NDE1: variants seen among roughly 807,000 people sequenced by gnomAD.
NDE1 encodes nuclear distribution protein nudE homolog 1.
NDE1 carries 28 observed loss-of-function variants against 43.4 expected under a neutral mutation model. The ratio of observed to expected loss-of-function variants is 0.65; its 90% CI spans 0.48 to 0.89. The LOEUF is 0.89. Ranked by LOEUF, NDE1 falls within the 40% of genes least tolerant of loss-of-function variation. The pLI, the probability that NDE1 is intolerant of heterozygous loss-of-function variation, is 0.00. For missense variants in NDE1, 441 were observed against 434.1 expected (o/e 1.02, Z -0.14); for synonymous variants, 184 against 172.0 (o/e 1.07, Z -0.55).
chr16:15,659,007 C>A (rs775341241), intron 1 of NDE1, among the ~76,000 whole-genome samples: 4 of 152,168 alleles, frequency 2.6e-5, no homozygotes, highest in Admixed American at 6.6e-5. Flanking sequence ...TTCAGAGAAT[C>A]TGCTTTCCAG....
At chr16:15,710,086 G>A (rs143202815) in intron 8 of NDE1, among the ~76,000 whole-genome samples, 2 of 152,312 alleles carry the variant, frequency 1.3e-5, no homozygotes, top group Non-Finnish European at 2.9e-5. Context: ...CAGAAGGCAG[G>A]ACAGACCTTC....
chr16:15,721,741 A>G, intron 8 of NDE1: 1 of 1,156,146 alleles, frequency 8.6e-7, no homozygotes, highest in South Asian at 1.2e-5. Flanking sequence ...ATTGAGGTGC[A>G]GGTGTAAGCA....
At chr16:15,661,521 A>G (rs2037044668) in intron 1 of NDE1, among the ~76,000 whole-genome samples, 1 of 150,440 alleles carries the variant, frequency 6.6e-6, no homozygotes, top group African/African-American at 2.4e-5. Flanking sequence ...GTACAGTGGC[A>G]TGGTCATGGG....
intron 4 of NDE1, among the ~76,000 whole-genome samples, chr16:15,681,498 C>G (rs562380308): frequency 9.9e-5 from 15 of 151,718 alleles, no homozygotes; most frequent in Non-Finnish European, 1.3e-4. Flanking sequence ...GTCCTGGACT[C>G]GGTCTGTCCA....
At chr16:15,689,164 A>G (rs1274643965) in intron 5 of NDE1, among the ~76,000 whole-genome samples, 5 of 152,202 alleles carry the variant, frequency 3.3e-5, no homozygotes, top group Admixed American at 3.3e-4. Flanking sequence ...GTTAATGGTT[A>G]AAATGAACAG....
chr16:15,658,485 A>G (rs2036883080), intron 1 of NDE1, among the ~76,000 whole-genome samples: 2 of 152,292 alleles, frequency 1.3e-5, no homozygotes, highest in South Asian at 4.1e-4. Context: ...GAATAGGCAT[A>G]TGCCTCTTCC....
intron 8 of NDE1, among the ~76,000 whole-genome samples, chr16:15,705,051 C>G (rs2039374658): frequency 6.6e-6 from 1 of 152,210 alleles, no homozygotes; most frequent in Non-Finnish European, 1.5e-5. Flanking sequence ...ATGATCTTGG[C>G]TCACTGCAAC....
chr16:15,698,464 C>T (rs1297062732), intron 8 of NDE1, among the ~76,000 whole-genome samples: 3 of 152,152 alleles, frequency 2.0e-5, no homozygotes, highest in African/African-American at 7.2e-5. Context: ...TCTCTCTGGG[C>T]CCCAAGCCGT....
At chr16:15,680,846 A>G (rs1476172929) in intron 4 of NDE1, among the ~76,000 whole-genome samples, 1 of 151,830 alleles carries the variant, frequency 6.6e-6, no homozygotes, top group Non-Finnish European at 1.5e-5. Flanking sequence ...CCCTTTGTAT[A>G]TTTTTACTAC....
Position 15,650,779 on chromosome 16 carries a change from A to T in NDE1, c.-44+485A>T, listed in dbSNP as rs898341758. On this transcript the variant is annotated intron_variant, in intron 1 of 8. Transcript: ENST00000396354. ...CTCTCTCCTATTCCTCCATCCTGCC[A>T]CCCGCTTCTCTGCGACCCCAGACCC... Among the ~76,000 whole-genome samples the T allele has an allele frequency of 1.2e-4, 18 of 149,438 alleles. No individual in the cohort carries two copies. In the East Asian group the frequency reaches 1.6e-3, roughly 13 times the overall value.
chr16:15,696,365 C>T (rs1349591132), intron 7 of NDE1, among the ~76,000 whole-genome samples: 1 of 143,830 alleles, frequency 7.0e-6, no homozygotes, highest in African/African-American at 2.5e-5. Flanking sequence ...GACACAGCGT[C>T]TAAAAAAGTA....
chr16:15,708,932 T>C, intron 8 of NDE1: 1 of 1,309,774 alleles, frequency 7.6e-7, no homozygotes, highest in Non-Finnish European at 1.1e-6. Flanking sequence ...GACATTTGCT[T>C]CGATTTAATA....
intron 3 of NDE1, among the ~76,000 whole-genome samples, chr16:15,674,075 G>C (rs1182300435): frequency 6.6e-6 from 1 of 152,138 alleles, no homozygotes; most frequent in Admixed American, 6.5e-5. Context: ...CTGGAGGCCA[G>C]CACAGAATAA....
intron 8 of NDE1, chr16:15,720,800 A>C: frequency 2.5e-6 from 4 of 1,605,566 alleles, no homozygotes; most frequent in Non-Finnish European, 3.4e-6. Flanking sequence ...GAAAAAGGCC[A>C]CCCGACCTCC....
intron 8 of NDE1, chr16:15,718,810 C>T (rs896340828): frequency 1.2e-4 from 50 of 408,134 alleles, no homozygotes; most frequent in Non-Finnish European, 2.0e-4. Flanking sequence ...TCTCAGAGGA[C>T]GCTTCGTCAG....
chr16:15,726,174 T>C lies in NDE1; in HGVS notation c.*1923T>C, dbSNP rs953500372. Reference sequence around the variant, plus strand: ...CATCATGTGCCTTCCCTTTGCTGCATCATTTGACATTCATTTGTGTGATTA... The same window carrying C: ...CATCATGTGCCTTCCCTTTGCTGCACCATTTGACATTCATTTGTGTGATTA... On this transcript the variant is annotated 3_prime_UTR_variant, in exon 9 of 9. Transcript: ENST00000396354. 6.4e-6 allele frequency: 1 copy of C among 155,706 alleles called. No homozygotes were observed. The highest frequency in any genetic ancestry group is 2.4e-5 in the African/African-American group (1 of 41,534). 9.6% of individuals were successfully genotyped at this position (155,706 alleles called of 1,614,324 possible). A position where few individuals can be genotyped will look rare whatever the true frequency, so the allele number is the denominator to read the frequency against.
In NDE1 at chr16:15,719,600, G is replaced by T. The variant is rs139565043; in HGVS notation, c.948-4591G>T. 6.2e-6 allele frequency: 10 copies of T among 1,614,208 alleles called. No individual in the cohort carries two copies. In the East Asian group the frequency reaches 2.2e-4, roughly 36 times the overall value. The stretch of plus-strand genomic sequence containing the variant: ...GAGGCTTTACCTCTTGTAGCTGCAT[G>T]AGGTCTGCTTCCAAGCTCTTGGCTT... On this transcript the variant is annotated intron_variant, in intron 8 of 8. Coordinates refer to ENST00000396354, the MANE Select transcript of NDE1 (RefSeq NM_017668.3).
At chr16:15,723,049 A>C (rs1452218403) in intron 8 of NDE1, among the ~76,000 whole-genome samples, 3 of 152,152 alleles carry the variant, frequency 2.0e-5, no homozygotes, top group Non-Finnish European at 4.4e-5. Flanking sequence ...TGGCCTCTCA[A>C]ACTGATTTTT....
chr16:15,654,617 C>CAAAAAAAAAAAAAAAAAAAA (rs74269304), intron 1 of NDE1, among the ~76,000 whole-genome samples: 2 of 82,378 alleles, frequency 2.4e-5, no homozygotes, highest in Non-Finnish European at 2.5e-5. Context: ...AAAAAAAAAA[C>CAAAAAAAAAAAAAAAAAAAA]AAAAAAAAAA....
Sources: gnomAD v4.1 joint callset for allele counts (sites outside exome capture counted in the v4.1 genomes callset) on GRCh38, gnomAD v4.1.1 for gene constraint, MANE v1.5 for transcripts, NCBI Gene and HGNC (gene_info 2026-07-23, HGNC 2026-07-21) for gene names.